The following UPP2 variants were observed in gnomAD, a reference collection of about 807,000 sequenced individuals.
The protein encoded by UPP2 is uridine phosphorylase 2, also known as UPase 2.
Under a neutral mutation model 26.7 loss-of-function variants are expected in UPP2, and 23 were observed. The observed-to-expected ratio is 0.86, with a 90% confidence interval of 0.62 to 1.22. The LOEUF is 1.22. Among genes scored for constraint, UPP2 ranks in the 50% most tolerant of loss-of-function variants. The probability of loss-of-function intolerance (pLI) is 0.00; values close to 1 mark genes in which losing one functional copy is unlikely to be tolerated. For missense variants in UPP2, 387 were observed against 396.7 expected (o/e 0.98, Z 0.21); for synonymous variants, 127 against 141.3 (o/e 0.90, Z 0.72).
intron 2 of UPP2, among the ~76,000 whole-genome samples, chr2:158,010,593 G>A (rs944638587): frequency 2.0e-5 from 3 of 152,046 alleles, no homozygotes; most frequent in Admixed American, 1.3e-4. Context: ...AAGAAGAACG[G>A]GTATGCATGA....
chr2:158,123,618 T>C, intron 5 of UPP2, 131 bp from the exon 6 acceptor site: 2 of 1,076,126 alleles, frequency 1.9e-6, no homozygotes, highest in Non-Finnish European at 2.6e-6. Context: ...ACAGCTCAGT[T>C]TATCCTACAC....
intron 3 of UPP2, among the ~76,000 whole-genome samples, chr2:158,074,645 C>T (rs1682599937): frequency 6.8e-6 from 1 of 146,892 alleles, no homozygotes; most frequent in Non-Finnish European, 1.5e-5. Context: ...CACCTTTAGT[C>T]AAAGAAAGAC....
At chr2:158,113,341 G>T (rs1176826063) in intron 2 of UPP2, among the ~76,000 whole-genome samples, 1 of 152,134 alleles carries the variant, frequency 6.6e-6, no homozygotes, top group Non-Finnish European at 1.5e-5. Context: ...GACTTAGATC[G>T]TGAGCCAAGT....
intron 3 of UPP2, among the ~76,000 whole-genome samples, chr2:158,078,205 A>G (rs920995799): frequency 5.3e-5 from 8 of 152,174 alleles, no homozygotes; most frequent in African/African-American, 1.7e-4. Context: ...TAGTACGACC[A>G]CTATGGAGAA....
At chr2:158,114,228 C>T (rs1683376132) in intron 2 of UPP2, among the ~76,000 whole-genome samples, 1 of 152,168 alleles carries the variant, frequency 6.6e-6, no homozygotes, top group South Asian at 2.1e-4. Flanking sequence ...GGACTTGACT[C>T]TTGCCACCTT....
intron 3 of UPP2, among the ~76,000 whole-genome samples, chr2:158,046,514 AG>A (rs1406165163): frequency 2.6e-4 from 39 of 152,338 alleles, no homozygotes; most frequent in Non-Finnish European, 4.4e-4. Context: ...GTTAGGAAAT[AG>A]GGAGACGGAG....
At chr2:158,101,117 C>T (rs1356546639), upstream of UPP2, among the ~76,000 whole-genome samples, 1 of 152,190 alleles carries the variant, frequency 6.6e-6, no homozygotes, top group Non-Finnish European at 1.5e-5. Context: ...AGCCATGAGA[C>T]TACGTTCTTG....
At chr2:158,036,042 G>A (rs77560358) in intron 3 of UPP2, among the ~76,000 whole-genome samples, 7,332 of 152,230 alleles carry the variant, frequency 0.048, 314 homozygotes, top group East Asian at 0.12. Context: ...GGCAGTAGAA[G>A]GGTCGTGAAT....
At chr2:158,122,113 G>A (rs1215907524) in intron 5 of UPP2, among the ~76,000 whole-genome samples, 3 of 151,926 alleles carry the variant, frequency 2.0e-5, no homozygotes, top group African/African-American at 7.2e-5. Context: ...CCCAAACCAA[G>A]TTTAGAGACA....
chr2:158,021,842 T>A (rs1683757163), intron 3 of UPP2, among the ~76,000 whole-genome samples: 1 of 152,138 alleles, frequency 6.6e-6, no homozygotes, highest in South Asian at 2.1e-4. Context: ...TTAGGAAAAT[T>A]TTCTTAAATT....
intron 3 of UPP2, among the ~76,000 whole-genome samples, chr2:158,094,296 T>C (rs931381666): frequency 3.3e-5 from 5 of 152,134 alleles, no homozygotes; most frequent in African/African-American, 1.2e-4. Context: ...ATTTGGGTAG[T>C]AACTACACAG....
intron 3 of UPP2, among the ~76,000 whole-genome samples, chr2:158,090,328 T>C (rs372821278): frequency 4.6e-5 from 7 of 152,170 alleles, no homozygotes; most frequent in Non-Finnish European, 5.9e-5. Flanking sequence ...GGTGAAACCC[T>C]GTCTCTACTA....
chr2:158,058,455 G>A (rs542604724), intron 3 of UPP2, among the ~76,000 whole-genome samples: 5 of 149,320 alleles, frequency 3.3e-5, no homozygotes, highest in Admixed American at 6.7e-5. Context: ...GTGTGTACGC[G>A]CATGCACAGA....
chr2:158,131,468 G>C (rs1052162533), intron 6 of UPP2, among the ~76,000 whole-genome samples: 5 of 152,142 alleles, frequency 3.3e-5, no homozygotes, highest in Admixed American at 2.0e-4. Flanking sequence ...CAAATATTTT[G>C]TGTGTATTGG....
chr2:158,130,016 T>A (rs973836412), intron 6 of UPP2, among the ~76,000 whole-genome samples: 2 of 152,086 alleles, frequency 1.3e-5, no homozygotes, highest in Non-Finnish European at 2.9e-5. Context: ...CTTGAACTCC[T>A]AGGGTTCAAG....
intron 4 of UPP2, among the ~76,000 whole-genome samples, chr2:158,120,066 G>T (rs919055350): frequency 3.3e-5 from 5 of 151,382 alleles, no homozygotes; most frequent in African/African-American, 1.2e-4. Flanking sequence ...ACCCAACAAG[G>T]CTCTATTATC....
At chr2:158,038,877 T>G (rs1251739247) in intron 3 of UPP2, among the ~76,000 whole-genome samples, 2 of 152,216 alleles carry the variant, frequency 1.3e-5, no homozygotes, top group Non-Finnish European at 2.9e-5. Flanking sequence ...GCTAGTGTTA[T>G]GCAGAGAGTA....
Position 158,034,918 on chromosome 2 carries a change from G to A in UPP2, c.147+19032G>A, listed in dbSNP as rs148854787. Among the ~76,000 whole-genome samples the A allele has an allele frequency of 2.8e-3, 425 of 152,228 alleles. 1 individual carries two copies. Among genetic ancestry groups the A allele is most frequent in the Non-Finnish European group, 4.9e-3 (330 of 68,002 alleles). ...TTAAGTTGGCCCTCCTCCAAATAAA[G>A]TGCACATCAGAAGCCCCAGAGCCAC... On this transcript the variant is annotated intron_variant, in intron 3 of 9. Transcript: ENST00000605860.
intron 3 of UPP2, among the ~76,000 whole-genome samples, chr2:158,026,664 A>G (rs1018395051): frequency 2.0e-5 from 3 of 152,158 alleles, no homozygotes; most frequent in African/African-American, 7.2e-5. Flanking sequence ...ACACAGAAAG[A>G]GTTCAAACCT....
Sources: allele counts gnomAD v4.1 joint callset (sites outside exome capture counted in the v4.1 genomes callset), GRCh38; gene constraint gnomAD v4.1.1; transcripts MANE v1.5; gene names NCBI Gene and HGNC (gene_info 2026-07-23, HGNC 2026-07-21).